ASTN1: variants seen among roughly 807,000 people sequenced by gnomAD.
ASTN1 encodes astrotactin 1.
Under a neutral mutation model 140.7 loss-of-function variants are expected in ASTN1, and 41 were observed. The ratio of observed to expected loss-of-function variants is 0.29; its 90% confidence interval spans 0.23 to 0.38. The LOEUF (loss-of-function observed/expected upper bound fraction) is 0.38. Ranked by LOEUF, ASTN1 falls within the 10% of genes least tolerant of loss-of-function variation. ASTN1 has a pLI of 1.00. For missense variants in ASTN1, 1,479 were observed against 1,678.8 expected, an observed-to-expected ratio of 0.88 and a Z score of 2.08; for synonymous variants, 640 against 652.2, an observed-to-expected ratio of 0.98 and a Z score of 0.29.
At position 176,960,152 on chromosome 1, in the gene ASTN1, T is replaced by G. The variant is rs111806541; in HGVS notation, c.1599-1670A>C. Among the ~76,000 whole-genome samples, 331 of 152,296 alleles carry G rather than the reference T, an allele frequency of 2.2e-3. 2 individuals carry two copies. Among genetic ancestry groups the G allele is most frequent in the African/African-American group, 7.6e-3 (314 of 41,568 alleles). Reference sequence around the variant, plus strand: ...CCTGGAATCCGGGACTTAAGGATAATGTAGGTTGAAGAAAACAACCTCCAA... The same window carrying G: ...CCTGGAATCCGGGACTTAAGGATAAGGTAGGTTGAAGAAAACAACCTCCAA... On this transcript the variant is annotated intron_variant, in intron 9 of 22. Coordinates refer to ENST00000361833, the MANE Select transcript of ASTN1 (RefSeq NM_004319.3).
chr1:176,929,819 T>C (rs1671126904), intron 16 of ASTN1, among the ~76,000 whole-genome samples: 2 of 152,170 alleles, frequency 1.3e-5, no homozygotes, highest in Non-Finnish European at 2.9e-5. Flanking sequence ...CCATCCTGGC[T>C]AACACGGTGA....
chr1:177,113,629 C>T (rs1680928194), intron 1 of ASTN1, among the ~76,000 whole-genome samples: 1 of 152,134 alleles, frequency 6.6e-6, no homozygotes, highest in Non-Finnish European at 1.5e-5. Context: ...TTGCTCTCAC[C>T]TACAGTGGAC....
chr1:177,032,418 A>T (rs1286871702), intron 3 of ASTN1, 38 bp downstream of exon 3: 1 of 1,591,996 alleles, frequency 6.3e-7, no homozygotes, highest in South Asian at 1.2e-5. Flanking sequence ...CCTTGAGATG[A>T]AGGACCAAAC....
intron 5 of ASTN1, among the ~76,000 whole-genome samples, chr1:177,028,619 C>G (rs1234176185): frequency 6.6e-6 from 1 of 152,020 alleles, no homozygotes; most frequent in African/African-American, 2.4e-5. Flanking sequence ...AAGGAGATGC[C>G]ACTCAAATAT....
At chr1:177,063,828 G>A (rs1678218824) in intron 1 of ASTN1, among the ~76,000 whole-genome samples, 3 of 152,120 alleles carry the variant, frequency 2.0e-5, no homozygotes, top group Admixed American at 2.0e-4. Flanking sequence ...GCTCGTAACA[G>A]AGCACCTGAT....
rs770266633 is a variant in ASTN1 at position 176,957,766 on chromosome 1, G to A, written c.1799C>T (p.Pro600Leu). ...SLEVLLDSFG[P>L]VRDCSKDNGG... ...GTTATCTTTGCTGCAGTCGCGCACCGGCCCAAAGGAATCTAAGAGAACCTC... is the reference window on the plus strand; with the variant it reads ...GTTATCTTTGCTGCAGTCGCGCACCAGCCCAAAGGAATCTAAGAGAACCTC... The change falls in exon 11 of 23, where the codon CCG becomes CTG. Residue 600 changes from proline to leucine, a missense_variant. Physicochemically the swap from Pro to Leu is moderately conservative, Grantham distance 98 (BLOSUM62 -3). Coordinates refer to ENST00000361833, the MANE Select transcript of ASTN1 (RefSeq NM_004319.3). The A allele has an allele frequency of 9.3e-6, 15 of 1,613,900 alleles. No homozygotes were observed. Among genetic ancestry groups the A allele is most frequent in the East Asian group, 8.9e-5 (4 of 44,866 alleles).
chr1:176,900,193 C>G (rs957099811), intron 16 of ASTN1, among the ~76,000 whole-genome samples: 7 of 152,178 alleles, frequency 4.6e-5, no homozygotes, highest in African/African-American at 1.2e-4. Context: ...AAGGAGAAAG[C>G]ATTATTCTGA....
At chr1:177,143,534 C>T (rs1011201245) in intron 1 of ASTN1, among the ~76,000 whole-genome samples, 1 of 152,162 alleles carries the variant, frequency 6.6e-6, no homozygotes, top group Non-Finnish European at 1.5e-5. Flanking sequence ...GAGGTAAGTT[C>T]TTAAAATTCC....
chr1:176,984,355 G>A (rs1673783548), intron 8 of ASTN1, among the ~76,000 whole-genome samples: 1 of 152,072 alleles, frequency 6.6e-6, no homozygotes, highest in African/African-American at 2.4e-5. Flanking sequence ...CATTATTCTG[G>A]GAAAAAGGAA....
intron 14 of ASTN1, among the ~76,000 whole-genome samples, chr1:176,939,853 G>A (rs1249788947): frequency 7.3e-6 from 1 of 136,674 alleles, no homozygotes; most frequent in Non-Finnish European, 1.6e-5. Flanking sequence ...AAGGAAAGAA[G>A]GAAGGAAGGG....
intron 1 of ASTN1, among the ~76,000 whole-genome samples, chr1:177,115,752 T>C (rs1681055492): frequency 6.6e-6 from 1 of 151,994 alleles, no homozygotes; most frequent in Non-Finnish European, 1.5e-5. Context: ...TATATAAAAA[T>C]ATAAAGAAGA....
chr1:177,074,992 C>T (rs937517367), intron 1 of ASTN1, among the ~76,000 whole-genome samples: 4 of 152,036 alleles, frequency 2.6e-5, no homozygotes, highest in Admixed American at 2.0e-4. Context: ...ATTGGTAACC[C>T]GGGTGGTTAC....
intron 1 of ASTN1, among the ~76,000 whole-genome samples, chr1:177,087,632 A>G (rs1013950207): frequency 6.6e-6 from 1 of 152,184 alleles, no homozygotes; most frequent in African/African-American, 2.4e-5. Context: ...GTTGCAATGA[A>G]TCAATGTCCC....
At chr1:177,037,100 A>G (rs182112442) in intron 2 of ASTN1, among the ~76,000 whole-genome samples, 62 of 152,294 alleles carry the variant, frequency 4.1e-4, no homozygotes, top group African/African-American at 1.3e-3. Flanking sequence ...GATTACAGGT[A>G]TGAGGAACTG....
At chr1:177,119,659 A>AGAGAT (rs1681278422) in intron 1 of ASTN1, among the ~76,000 whole-genome samples, 1 of 152,208 alleles carries the variant, frequency 6.6e-6, no homozygotes, top group African/African-American at 2.4e-5. Context: ...AAATTCTGGG[A>AGAGAT]GAGATTTTTC....
intron 12 of ASTN1, among the ~76,000 whole-genome samples, chr1:176,947,469 C>T (rs756515562): frequency 1.5e-4 from 23 of 152,278 alleles, no homozygotes; most frequent in African/African-American, 4.1e-4. Context: ...AGGACTTCTT[C>T]GGCACGCTAT....
chr1:177,083,432 G>T (rs1045922964), intron 1 of ASTN1, among the ~76,000 whole-genome samples: 2 of 151,946 alleles, frequency 1.3e-5, no homozygotes, highest in Non-Finnish European at 2.9e-5. Context: ...GCCAAATCAG[G>T]TCATGCGCCA....
At chr1:176,906,748 G>A (rs1198837094) in intron 16 of ASTN1, among the ~76,000 whole-genome samples, 2 of 151,712 alleles carry the variant, frequency 1.3e-5, no homozygotes, top group Admixed American at 1.3e-4. Flanking sequence ...CAGCTATTCA[G>A]GAGGCTGAGG....
In ASTN1 at chr1:177,163,454, T is replaced by C. The variant is rs77797374; in HGVS notation, c.283+940A>G. Among the ~76,000 whole-genome samples, 813 of 152,210 alleles carry C rather than the reference T, an allele frequency of 5.3e-3. 10 individuals carry two copies. The highest frequency in any genetic ancestry group is 6.2e-3 in the Non-Finnish European group (421 of 68,016). ...ATACTAGAGCAGGACCACAAAACCT[T>C]TGCAGCTTAGTAGTGGAAAACAGGG... On this transcript the variant is annotated intron_variant, in intron 1 of 22. Transcript: ENST00000361833.
Sources: allele counts gnomAD v4.1 joint callset (sites outside exome capture counted in the v4.1 genomes callset), GRCh38; gene constraint gnomAD v4.1.1; transcripts MANE v1.5; gene names NCBI Gene and HGNC (gene_info 2026-07-23, HGNC 2026-07-21).